NCAPD3: variants seen among roughly 807,000 people sequenced by gnomAD.
NCAPD3 encodes condensin-2 complex subunit D3.
Under a neutral mutation model 182.9 loss-of-function variants are expected in NCAPD3, and 105 were observed. That is an observed-to-expected ratio of 0.57 (90% CI 0.49 to 0.68). The LOEUF (loss-of-function observed/expected upper bound fraction) is 0.68. Ranked by LOEUF, NCAPD3 falls within the 30% of genes least tolerant of loss-of-function variation. The pLI is 0.00. For missense variants in NCAPD3, 1,944 were observed against 1,837.0 expected, an observed-to-expected ratio of 1.06 and a Z score of -1.07; for synonymous variants, 815 against 679.9, an observed-to-expected ratio of 1.20 and a Z score of -3.09.
chr11:134,153,025 C>A lies in NCAPD3; in HGVS notation c.4416G>T (p.Val1472=). The A allele has an allele frequency of 1.3e-6, 2 of 1,597,364 alleles. No homozygotes were observed. The highest frequency in any genetic ancestry group is 8.5e-7 in the Non-Finnish European group (1 of 1,169,776). Residue 1472 remains valine, a synonymous_variant, in exon 35 of 35, where the codon GTG becomes GTT. Transcript: ENST00000534548. The part of the protein sequence containing the change: ...KPPPQPQQWN[V]RSPARNKDTP... The stretch of plus-strand genomic sequence containing the variant: ...TGTCTTTATTCCTGGCGGGAGACCG[C>A]ACATTCCACTGCTGAGGCTGTGGGG...
chr11:134,156,911 A>G, intron 32 of NCAPD3, 107 bp downstream of exon 32: 1 of 988,376 alleles, frequency 1.0e-6, no homozygotes, highest in Non-Finnish European at 1.5e-6. Context: ...GGTTCTGACC[A>G]TCAGAACTAT....
At chr11:134,220,450 G>C in intron 2 of NCAPD3, 122 bp downstream of exon 2, 1 of 824,928 alleles carries the variant, frequency 1.2e-6, no homozygotes, top group Non-Finnish European at 1.9e-6. Context: ...CATTCTTTAT[G>C]TTACTCATAT....
At chr11:134,186,017 C>A (rs937874415) in intron 16 of NCAPD3, 1 of 151,762 alleles carries the variant, frequency 6.6e-6, no homozygotes, top group Non-Finnish European at 1.5e-5. Flanking sequence ...ACACCATTCT[C>A]CTGCCTCAGC....
chr11:134,203,146 T>C lies in NCAPD3; in HGVS notation c.1521A>G (p.Ser507=), dbSNP rs771031039. The change falls in exon 12 of 35, where the codon TCA becomes TCG. Residue 507 remains serine (S), a synonymous_variant. Coordinates refer to ENST00000534548, the MANE Select transcript of NCAPD3 (RefSeq NM_015261.3). ...GAAAATGTATTGATCCATTACCTGA[T>C]GAATTTCTCAGTAAGGTACCAGGGT... The part of the protein sequence containing the change: ...ESHPGTLLRN[S]SAFSYQRQTS... The C allele has an allele frequency of 6.3e-7, 1 of 1,584,272 alleles. No individual in the cohort carries two copies. The highest frequency in any genetic ancestry group is 1.1e-5 in the South Asian group (1 of 89,954).
Position 134,208,858 on chromosome 11 carries a change from C to T in NCAPD3, c.882+6G>A. ...AGTAACCAAATTAGGTTCTCATCTC[C>T]TTTACCTTATCTCCTTCTCCATGAA... On this transcript the variant is annotated splice_donor_region_variant and intron_variant, in intron 7 of 34. Coordinates refer to ENST00000534548, the MANE Select transcript of NCAPD3 (RefSeq NM_015261.3). The T allele has an allele frequency of 1.9e-6, 3 of 1,605,788 alleles. No individual in the cohort carries two copies. The highest frequency in any genetic ancestry group is 1.7e-6 in the Non-Finnish European group (2 of 1,174,058).
At chr11:134,179,281 A>G (rs1944240336) in intron 20 of NCAPD3, among the ~76,000 whole-genome samples, 1 of 152,212 alleles carries the variant, frequency 6.6e-6, no homozygotes, top group Non-Finnish European at 1.5e-5. Flanking sequence ...CAGAGACACC[A>G]TTATTGTTTT....
In NCAPD3 at chr11:134,178,690, T is replaced by G; in HGVS notation, c.2726A>C (p.Gln909Pro). The G allele has an allele frequency of 6.2e-7, 1 of 1,600,250 alleles. No homozygotes were observed. The highest frequency in any genetic ancestry group is 1.3e-5 in the African/African-American group (1 of 74,762). The part of the protein sequence containing the change: ...SEAPASQPPP[Q>P]VRGSVMPSVI... Reference sequence around the variant, plus strand: ...AGAGGGCATGACAGAACCTCTGACCTGGGGGGGTGGCTGAGACGCTGGGGC... The same window carrying G: ...AGAGGGCATGACAGAACCTCTGACCGGGGGGGGTGGCTGAGACGCTGGGGC... Residue 909 changes from glutamine to proline, a missense_variant, in exon 22 of 35, where the codon CAG becomes CCG. Coordinates refer to ENST00000534548, the MANE Select transcript of NCAPD3 (RefSeq NM_015261.3).
chr11:134,193,499 T>C (rs1347819790), intron 15 of NCAPD3, among the ~76,000 whole-genome samples: 1 of 152,228 alleles, frequency 6.6e-6, no homozygotes, highest in Non-Finnish European at 1.5e-5. Context: ...ATGCCTGTAA[T>C]CCCAGCACTT....
chr11:134,168,736 C>T (rs1407821854), intron 25 of NCAPD3, 134 bp from the exon 26 acceptor site: 5 of 1,385,840 alleles, frequency 3.6e-6, no homozygotes, highest in East Asian at 2.3e-5. Context: ...GTGCTCATCA[C>T]AGGCGCTGCC....
chr11:134,165,651 G>A (rs1246622894), intron 27 of NCAPD3, among the ~76,000 whole-genome samples: 3 of 130,046 alleles, frequency 2.3e-5, no homozygotes, highest in East Asian at 2.6e-4. Context: ...GCCCACACTC[G>A]TGAGATGAGC....
At chr11:134,170,963 GGAGAA>G (rs1340599857) in intron 24 of NCAPD3, among the ~76,000 whole-genome samples, 2 of 152,192 alleles carry the variant, frequency 1.3e-5, no homozygotes, top group African/African-American at 4.8e-5. Flanking sequence ...CTTCCTAATT[GGAGAA>G]GAGGGACTAT....
intron 24 of NCAPD3, among the ~76,000 whole-genome samples, chr11:134,176,008 T>C (rs1314913912): frequency 6.6e-6 from 1 of 152,120 alleles, no homozygotes; most frequent in African/African-American, 2.4e-5. Flanking sequence ...CTATACAGTG[T>C]AATACAGCAA....
rs767641201 is a variant in NCAPD3, at chr11:134,204,057, G to A, written c.1204C>T (p.Arg402Ter). 1 of 1,614,054 alleles carries A rather than the reference G, an allele frequency of 6.2e-7. No homozygotes were observed. The highest frequency in any genetic ancestry group is 8.5e-7 in the Non-Finnish European group (1 of 1,180,010). The change falls in exon 10 of 35, where the codon CGA (arginine) becomes TGA (stop). Residue 402 changes from arginine to a stop codon, truncating the protein, a stop_gained. Transcript: ENST00000534548. LOFTEE classifies it high-confidence loss of function. This position sits in a 1 kb window ranked among gnomAD's most constrained non-coding sequence, Gnocchi z 4.3. ...GAGCTATCTCCTACCTTGGAACTTC[G>A]GGAGTATTTGTAAAGCCAGGCAATG... ...MFIAWLYKYS[R>*]SSKIPHRVFT...
At chr11:134,217,835 A>G (rs2136030228) in intron 2 of NCAPD3, among the ~76,000 whole-genome samples, 1 of 152,358 alleles carries the variant, frequency 6.6e-6, no homozygotes, top group African/African-American at 2.4e-5. Flanking sequence ...ACAATGGCTC[A>G]TGCCTGTAAT....
chr11:134,202,706 G>T, intron 13 of NCAPD3, 110 bp downstream of exon 13: 1 of 798,402 alleles, frequency 1.3e-6, no homozygotes, highest in Non-Finnish European at 2.0e-6. Flanking sequence ...TCAACTCTTA[G>T]GGGTGAATAA....
rs569910277 is a variant in NCAPD3 at position 134,168,564 on chromosome 11, T to G, written c.3278A>C (p.Lys1093Thr). 1.3e-5 allele frequency: 21 copies of G among 1,614,050 alleles called. No homozygotes were observed. The highest frequency in any genetic ancestry group is 1.6e-5 in the Non-Finnish European group (19 of 1,179,916). The change falls in exon 26 of 35, where the codon AAA becomes ACA. Residue 1093 changes from lysine to threonine, a missense_variant. This residue lies in a region of NCAPD3 where 1,803 missense variants were observed against 1,674.6 expected (regional missense o/e 1.08). Coordinates refer to ENST00000534548, the MANE Select transcript of NCAPD3 (RefSeq NM_015261.3). ...TTTGTAGATTTTCATTCGTCTCTCTTTGTTTGACTTTCCCTTCAATGAAAA... is the reference window on the plus strand; with the variant it reads ...TTTGTAGATTTTCATTCGTCTCTCTGTGTTTGACTTTCCCTTCAATGAAAA... ...RLFSLKGKSN[K>T]ERRMKIYKFL...
chr11:134,168,570 G>A lies in NCAPD3; in HGVS notation c.3272C>T (p.Ser1091Leu), dbSNP rs369076157. 6.2e-7 allele frequency: 1 copy of A among 1,613,970 alleles called. No homozygotes were observed. Among genetic ancestry groups the A allele is most frequent in the Non-Finnish European group, 8.5e-7 (1 of 1,180,026 alleles). The change falls in exon 26 of 35, where the codon TCA (serine) becomes TTA (leucine). Residue 1091 changes from serine (S) to leucine (L), a missense_variant. Transcript: ENST00000534548. ...EKRLFSLKGKSNKERRMKIYK... is the reference protein window; with the variant it reads ...EKRLFSLKGKLNKERRMKIYK... Reference sequence around the variant, plus strand: ...GATTTTCATTCGTCTCTCTTTGTTTGACTTTCCCTTCAATGAAAACAGCCG... The same window carrying A: ...GATTTTCATTCGTCTCTCTTTGTTTAACTTTCCCTTCAATGAAAACAGCCG...
intron 13 of NCAPD3, among the ~76,000 whole-genome samples, chr11:134,199,492 CA>C (rs113914465): frequency 0.064 from 9,781 of 152,270 alleles, 1,106 homozygotes; most frequent in African/African-American, 0.22. Flanking sequence ...AATGCACATT[CA>C]AACCATACTT....
intron 19 of NCAPD3, among the ~76,000 whole-genome samples, chr11:134,184,323 A>G (rs1175504891): frequency 6.6e-6 from 1 of 152,252 alleles, no homozygotes; most frequent in African/African-American, 2.4e-5. Context: ...TGAGAGTGGA[A>G]GTCAAGGAGA....
Sources: gnomAD v4.1 joint callset for allele counts (sites outside exome capture counted in the v4.1 genomes callset) on GRCh38, gnomAD v4.1.1 for gene constraint, gnomAD v4.1.1 regional missense constraint, Gnocchi (gnomAD v3.1) non-coding constraint, MANE v1.5 for transcripts, NCBI Gene and HGNC (gene_info 2026-07-23, HGNC 2026-07-21) for gene names.